Variants in MGST3 observed in about 807,000 individuals in gnomAD.
The protein encoded by MGST3 is microsomal glutathione S-transferase 3.
MGST3 carries 13 observed loss-of-function variants against 15.8 expected under a neutral mutation model. The ratio of observed to expected loss-of-function variants is 0.82; its 90% CI spans 0.54 to 1.31. The LOEUF is 1.31. Among genes scored for constraint, MGST3 ranks in the 50% most tolerant of loss-of-function variants. The pLI is 0.00. For missense variants in MGST3, 155 were observed against 192.4 expected (o/e 0.81, Z 1.15); for synonymous variants, 49 against 68.1 (o/e 0.72, Z 1.38).
chr1:165,643,046 A>G (rs1409244597), intron 1 of MGST3, among the ~76,000 whole-genome samples: 1 of 152,262 alleles, frequency 6.6e-6, no homozygotes, highest in Non-Finnish European at 1.5e-5. Context: ...AGAAAAATCT[A>G]TAATCTAGCC....
intron 1 of MGST3, among the ~76,000 whole-genome samples, chr1:165,643,173 G>A (rs985493410): frequency 6.6e-6 from 1 of 152,018 alleles, no homozygotes; most frequent in Non-Finnish European, 1.5e-5. Context: ...TCAACCTGCT[G>A]TATATTGAGC....
chr1:165,633,770 T>G (rs1025506940), intron 1 of MGST3, among the ~76,000 whole-genome samples: 4 of 152,214 alleles, frequency 2.6e-5, no homozygotes, highest in African/African-American at 9.7e-5. Flanking sequence ...TCGAGATTTT[T>G]TTTTTTCCTT....
At chr1:165,648,192 A>C (rs1432976273) in intron 1 of MGST3, among the ~76,000 whole-genome samples, 2 of 152,246 alleles carry the variant, frequency 1.3e-5, no homozygotes, top group Admixed American at 6.5e-5. Flanking sequence ...GCAGCTGCAC[A>C]GACAGGCCAG....
intron 1 of MGST3, among the ~76,000 whole-genome samples, chr1:165,648,199 C>T (rs1164291244): frequency 6.6e-6 from 1 of 152,222 alleles, no homozygotes; most frequent in Non-Finnish European, 1.5e-5. Flanking sequence ...CACAGACAGG[C>T]CAGGATCTGC....
chr1:165,652,760 G>T (rs1411935097), intron 4 of MGST3, among the ~76,000 whole-genome samples: 1 of 152,208 alleles, frequency 6.6e-6, no homozygotes, highest in Non-Finnish European at 1.5e-5. Flanking sequence ...AGCCAGGAGA[G>T]GGGCAGCAAC....
chr1:165,655,385 C>G lies in MGST3; in HGVS notation c.340C>G (p.Arg114Gly), dbSNP rs1269096323. The G allele has an allele frequency of 3.1e-6, 5 of 1,613,946 alleles. No homozygotes were observed. The highest frequency in any genetic ancestry group is 2.2e-5 in the East Asian group (1 of 44,874). ...TTTTTCAGAACCCAGCAAGCGTAGT[C>G]GAGGAGCCCTGGGGTCCATCGCCCT... ...YYTGEPSKRS[R>G]GALGSIALLG... is the part of the protein sequence containing the mutation. Residue 114 changes from arginine to glycine, a missense_variant, in exon 6 of 6, where the codon CGA becomes GGA. Transcript: ENST00000367889.
intron 2 of MGST3, 78 bp downstream of exon 2, chr1:165,650,042 A>G (rs1284972880): frequency 6.3e-7 from 1 of 1,599,292 alleles, no homozygotes; most frequent in Admixed American, 1.7e-5. Context: ...ATTTTCAGCC[A>G]TGGAGGGAGA....
intron 1 of MGST3, chr1:165,631,935 CTT>C (rs1647957622): frequency 2.9e-6 from 1 of 348,904 alleles, no homozygotes; most frequent in Non-Finnish European, 5.3e-6. Context: ...GTGGGGGACT[CTT>C]CAGGTTCTTC....
At chr1:165,644,934 T>A (rs1648357685) in intron 1 of MGST3, among the ~76,000 whole-genome samples, 1 of 152,050 alleles carries the variant, frequency 6.6e-6, no homozygotes, top group African/African-American at 2.4e-5. Context: ...AATTTTTTTA[T>A]ATTTTTAGTA....
chr1:165,655,357 T>C lies in MGST3; in HGVS notation c.323-11T>C, dbSNP rs1307367060. ...CACTCCTGGTAACTTCTGTTCTTTC[T>C]TCTTTTTCAGAACCCAGCAAGCGTA... On this transcript the variant is annotated splice_polypyrimidine_tract_variant and intron_variant, in intron 5 of 5. Coordinates refer to ENST00000367889, the MANE Select transcript of MGST3 (RefSeq NM_004528.4). 6.2e-7 allele frequency: 1 copy of C among 1,613,890 alleles called. No individual in the cohort carries two copies.
In MGST3 at chr1:165,655,567, A is replaced by T. The variant is rs9333486; in HGVS notation, c.*63A>T. 9.8e-4 allele frequency: 1,552 copies of T among 1,591,190 alleles called. 9 individuals carry two copies. The African/African-American group carries it at 0.017, about 18-fold the overall frequency. The stretch of plus-strand genomic sequence containing the variant: ...ATGACTTACCTTTATTTCCAGTTAC[A>T]TTTTTTTTCTAAATATAATAAAAAC... On this transcript the variant is annotated 3_prime_UTR_variant, in exon 6 of 6. Transcript: ENST00000367889.
chr1:165,635,006 T>A (rs1363906050), intron 1 of MGST3, among the ~76,000 whole-genome samples: 2 of 151,710 alleles, frequency 1.3e-5, no homozygotes, highest in Non-Finnish European at 2.9e-5. Flanking sequence ...GACATTGAAT[T>A]TATCATATCA....
intron 1 of MGST3, chr1:165,649,439 C>A (rs1173698153): frequency 1.6e-5 from 3 of 186,552 alleles, no homozygotes; most frequent in South Asian, 9.9e-5. Context: ...CCTCTCACTC[C>A]CTCCCTCCCC....
intron 1 of MGST3, among the ~76,000 whole-genome samples, chr1:165,638,644 A>G (rs1277520718): frequency 6.6e-6 from 1 of 152,176 alleles, no homozygotes; most frequent in East Asian, 1.9e-4. Context: ...TTAGCTGGGC[A>G]TGGTGGTGCA....
intron 4 of MGST3, 53 bp downstream of exon 4, chr1:165,652,088 T>G (rs2101724562): frequency 2.6e-6 from 2 of 774,676 alleles, no homozygotes; most frequent in Non-Finnish European, 3.7e-6. Flanking sequence ...ACTGAGCTAT[T>G]ATCAGGGACA....
chr1:165,632,419 C>A, intron 1 of MGST3: 1 of 704,688 alleles, frequency 1.4e-6, no homozygotes, highest in South Asian at 1.7e-5. Context: ...GGTTATTGGT[C>A]AGAGTTACAG....
rs761552348 is a variant in MGST3 at position 165,652,010 on chromosome 1, TA to T, written c.225del (p.Ala76LeufsTer10). ...LEVYPPFLFFLAVGGVYHPRI... is the reference protein window; with the variant it reads ...LEVYPPFLFFXAVGGVYHPRI... Reference sequence around the variant, plus strand: ...GTGTATCCTCCCTTCTTATTTTTTCTAGCTGTTGGAGGTGTTTACCACCCGG... The same window carrying T: ...GTGTATCCTCCCTTCTTATTTTTTCTGCTGTTGGAGGTGTTTACCACCCGG... On this transcript the variant is annotated frameshift_variant, in exon 4 of 6. Transcript: ENST00000367889. LOFTEE classifies it high-confidence loss of function. 6.2e-7 allele frequency: 1 copy of T among 1,613,980 alleles called. No individual in the cohort carries two copies. Among genetic ancestry groups the T allele is most frequent in the South Asian group, 1.1e-5 (1 of 91,076 alleles).
chr1:165,645,107 T>C lies in MGST3; in HGVS notation c.-7-4734T>C, dbSNP rs188633353. On this transcript the variant is annotated intron_variant, in intron 1 of 5. Coordinates refer to ENST00000367889, the MANE Select transcript of MGST3 (RefSeq NM_004528.4). ...TTATTCTATAAGATTTTTTTTTCTA[T>C]GTTTTAAATACTTTTTTTATTTTTA... 2.9e-3 allele frequency among the ~76,000 whole-genome samples: 437 copies of C among 152,236 alleles called. 1 individual carries two copies. Among genetic ancestry groups the C allele is most frequent in the African/African-American group, 0.01 (424 of 41,550 alleles).
At chr1:165,637,083 A>G (rs1000105771) in intron 1 of MGST3, 1 of 152,192 alleles carries the variant, frequency 6.6e-6, no homozygotes, top group African/African-American at 2.4e-5. Flanking sequence ...TTTGCCATGT[A>G]AGGAAGATTG....
Sources: allele counts gnomAD v4.1 joint callset (sites outside exome capture counted in the v4.1 genomes callset), GRCh38; gene constraint gnomAD v4.1.1; transcripts MANE v1.5; gene names NCBI Gene and HGNC (gene_info 2026-07-23, HGNC 2026-07-21).